The following CCDC7 variants were observed in gnomAD, a reference collection of about 807,000 sequenced individuals.
CCDC7 encodes coiled-coil domain-containing protein 7.
In CCDC7, 183 loss-of-function variants were observed where a neutral mutation model predicts 196.9. The observed-to-expected ratio is 0.93, with a 90% CI of 0.82 to 1.05. The LOEUF (loss-of-function observed/expected upper bound fraction) is 1.05. Ranked by LOEUF, CCDC7 falls within the 50% of genes least tolerant of loss-of-function variation. CCDC7 has a pLI of 0.00. For missense variants in CCDC7, 1,540 were observed against 1,482.2 expected, an observed-to-expected ratio of 1.04 and a Z score of -0.64; for synonymous variants, 525 against 484.6, an observed-to-expected ratio of 1.08 and a Z score of -1.10.
At chr10:32,697,796 CT>C (rs1294389143) in intron 24 of CCDC7, among the ~76,000 whole-genome samples, 6 of 152,312 alleles carry the variant, frequency 3.9e-5, no homozygotes, top group African/African-American at 7.2e-5. Flanking sequence ...TTAAACGTCC[CT>C]GTCTGACAGC....
chr10:32,564,116 A>C (rs978528300), intron 13 of CCDC7, among the ~76,000 whole-genome samples: 1 of 152,178 alleles, frequency 6.6e-6, no homozygotes, highest in Non-Finnish European at 1.5e-5. Context: ...ATCTCACACC[A>C]GTTAGAATGG....
chr10:32,743,486 A>G (rs1169983057), intron 28 of CCDC7, among the ~76,000 whole-genome samples: 2 of 152,162 alleles, frequency 1.3e-5, no homozygotes, highest in Admixed American at 6.5e-5. Context: ...GCCCATGCCT[A>G]TGTCCTCAAC....
At chr10:32,824,423 A>G in intron 31 of CCDC7, 95 bp from the exon 33 acceptor site, 1 of 682,734 alleles carries the variant, frequency 1.5e-6, no homozygotes, top group Non-Finnish European at 2.4e-6. Context: ...TACTCCAATG[A>G]AGAATATTAA....
chr10:32,775,722 G>C (rs2079909720), intron 28 of CCDC7, among the ~76,000 whole-genome samples: 1 of 152,062 alleles, frequency 6.6e-6, no homozygotes, highest in African/African-American at 2.4e-5. Flanking sequence ...TAATTTTTTT[G>C]TAGTACTAGC....
Position 32,830,140 on chromosome 10 carries a change from A to ATATATATATATATATATATATATATC in CCDC7, c.3269-4674_3269-4673insATATATATATATATATATATATATCT, listed in dbSNP as rs1352900669. Among the ~76,000 whole-genome samples the ATATATATATATATATATATATATATC allele has an allele frequency of 1.6e-5, 2 of 123,380 alleles. 1 individual carries two copies. Among genetic ancestry groups the ATATATATATATATATATATATATATC allele is most frequent in the Admixed American group, 1.7e-4 (2 of 11,572 alleles). The allele number at this position is 123,380 out of a possible 152,430, so 80.9% of individuals were successfully genotyped here. On this transcript the variant is annotated intron_variant, in intron 32 of 41. Coordinates refer to ENST00000639629, the Ensembl canonical transcript of CCDC7. ...TATAAGGATATATATATATATATAT[A>ATATATATATATATATATATATATATC]TCCTATTAGTTCTTTCCCTCTAGAG...
chr10:32,617,607 C>T (rs971824753), intron 18 of CCDC7, among the ~76,000 whole-genome samples: 1 of 151,750 alleles, frequency 6.6e-6, no homozygotes, highest in Non-Finnish European at 1.5e-5. Flanking sequence ...TGAAGTTTCT[C>T]TTGGTATTGA....
intron 20 of CCDC7, among the ~76,000 whole-genome samples, chr10:32,652,138 G>C (rs1455688727): frequency 6.6e-6 from 1 of 152,032 alleles, no homozygotes; most frequent in Non-Finnish European, 1.5e-5. Flanking sequence ...TCCTTCTGTT[G>C]TATTGAGCCC....
At chr10:32,677,802 A>AT (rs1195381938) in intron 21 of CCDC7, among the ~76,000 whole-genome samples, 3 of 151,936 alleles carry the variant, frequency 2.0e-5, no homozygotes, top group Non-Finnish European at 4.4e-5. Flanking sequence ...GCCTTCTGCC[A>AT]TTTTCCCTCT....
intron 28 of CCDC7, among the ~76,000 whole-genome samples, chr10:32,755,935 A>G (rs111827503): frequency 0.17 from 25,409 of 152,150 alleles, 2,664 homozygotes; most frequent in African/African-American, 0.28. Context: ...GCAGAAAACC[A>G]TGGCACGAGA....
At position 32,633,696 on chromosome 10, in the gene CCDC7, A is replaced by ATATATATATGTGTG. The variant is rs779341941; in HGVS notation, c.1802-557_1802-556insATATATATGTGTGT. Among the ~76,000 whole-genome samples, 159 of 135,210 alleles carry ATATATATATGTGTG rather than the reference A, an allele frequency of 1.2e-3. 1 individual carries two copies. In the South Asian group the frequency reaches 0.015, roughly 13 times the overall value. The allele number at this position is 135,210 out of a possible 152,430, so 88.7% of individuals were successfully genotyped here. On this transcript the variant is annotated intron_variant, in intron 18 of 41. Coordinates refer to ENST00000639629, the Ensembl canonical transcript of CCDC7. ...TTTAGCTTTGTGTATATATATATAT[A>ATATATATATGTGTG]TGTGTGTGTGTGTGTGTGTGTGTGT... is the stretch of plus-strand genomic sequence containing the variant.
chr10:32,632,631 A>T (rs983655874), intron 18 of CCDC7, among the ~76,000 whole-genome samples: 4 of 151,818 alleles, frequency 2.6e-5, no homozygotes, highest in African/African-American at 9.7e-5. Flanking sequence ...TTTTCATGTG[A>T]TGTGTTTTTG....
intron 3 of CCDC7, among the ~76,000 whole-genome samples, chr10:32,458,498 T>A (rs1187939364): frequency 6.7e-6 from 1 of 149,628 alleles, no homozygotes; most frequent in Admixed American, 6.7e-5. Context: ...TTTTTTTTTT[T>A]AAAGAGACAA....
At chr10:32,742,740 G>A (rs900396810) in intron 28 of CCDC7, among the ~76,000 whole-genome samples, 1 of 152,134 alleles carries the variant, frequency 6.6e-6, no homozygotes. Flanking sequence ...CTCCTTAGTT[G>A]TAGATAGCCA....
intron 18 of CCDC7, among the ~76,000 whole-genome samples, chr10:32,607,769 G>A (rs2138608153): frequency 1.3e-5 from 2 of 152,132 alleles, no homozygotes; most frequent in South Asian, 4.1e-4. Context: ...TTCATCAGGG[G>A]TTTTGGCCTA....
At chr10:32,861,333 A>C (rs756807715) in intron 41 of CCDC7, among the ~76,000 whole-genome samples, 2 of 152,156 alleles carry the variant, frequency 1.3e-5, no homozygotes, top group Non-Finnish European at 2.9e-5. Context: ...AGGATTCCCT[A>C]TTTAATAAAT....
downstream of CCDC7, chr10:32,876,632 G>T: frequency 5.6e-6 from 2 of 357,554 alleles, no homozygotes; most frequent in Admixed American, 9.2e-5. Flanking sequence ...CAATTTTAAA[G>T]AAGTTATGCA....
chr10:32,729,059 C>A, intron 27 of CCDC7, 62 bp downstream of exon 28: 1 of 1,178,762 alleles, frequency 8.5e-7, no homozygotes, highest in Non-Finnish European at 1.2e-6. Context: ...AGATCTTTTC[C>A]TTTGATTCGT....
intron 29 of CCDC7, among the ~76,000 whole-genome samples, chr10:32,780,980 A>T (rs2080970643): frequency 6.6e-6 from 1 of 152,186 alleles, no homozygotes; most frequent in South Asian, 2.1e-4. Context: ...GAAAGTGGGA[A>T]CATTACAACC....
At chr10:32,475,004 T>C (rs982716658) in intron 8 of CCDC7, among the ~76,000 whole-genome samples, 2 of 152,154 alleles carry the variant, frequency 1.3e-5, no homozygotes, top group Non-Finnish European at 2.9e-5. Context: ...TATAGAGATT[T>C]CTGGTTGAAG....
Sources: gnomAD v4.1 joint callset for allele counts (sites outside exome capture counted in the v4.1 genomes callset) on GRCh38, gnomAD v4.1.1 for gene constraint, MANE v1.5 for transcripts, NCBI Gene and HGNC (gene_info 2026-07-23, HGNC 2026-07-21) for gene names.